Variants in MOCOS observed in about 807,000 individuals in gnomAD.
MOCOS encodes the protein molybdenum cofactor sulfurase.
Under a neutral mutation model 83.6 loss-of-function variants are expected in MOCOS, and 86 were observed. That is an observed-to-expected ratio of 1.03 (90% confidence interval 0.86 to 1.23). MOCOS has a LOEUF of 1.23. Ranked by LOEUF, MOCOS falls within the 50% of genes most tolerant of loss-of-function variation. The probability of loss-of-function intolerance (pLI) is 0.00; values close to 1 mark genes in which losing one functional copy is unlikely to be tolerated. For missense variants in MOCOS, 1,120 were observed against 1,126.9 expected, an observed-to-expected ratio of 0.99 and a Z score of 0.09; for synonymous variants, 445 against 434.7, an observed-to-expected ratio of 1.02 and a Z score of -0.29.
intron 1 of MOCOS, among the ~76,000 whole-genome samples, chr18:36,193,347 A>G (rs1202043069): frequency 1.4e-5 from 2 of 141,054 alleles, no homozygotes; most frequent in Non-Finnish European, 3.1e-5. Context: ...AAAAAAAAAA[A>G]AAAAAAAAGT....
At chr18:36,222,526 C>T (rs151009854) in intron 9 of MOCOS, among the ~76,000 whole-genome samples, 2 of 151,982 alleles carry the variant, frequency 1.3e-5, no homozygotes, top group Admixed American at 6.6e-5. Flanking sequence ...ACCCATTGAC[C>T]ATTAGTACAT....
At chr18:36,216,851 A>G (rs935001645) in intron 8 of MOCOS, among the ~76,000 whole-genome samples, 1 of 152,192 alleles carries the variant, frequency 6.6e-6, no homozygotes, top group African/African-American at 2.4e-5. Flanking sequence ...GACATCACCA[A>G]CATTGGGACA....
intron 14 of MOCOS, 99 bp downstream of exon 14, chr18:36,266,952 G>A: frequency 1.0e-6 from 1 of 999,054 alleles, no homozygotes; most frequent in Non-Finnish European, 1.5e-6. Context: ...TTTTAAATGG[G>A]GGATTTGCTG....
In MOCOS at chr18:36,220,157, C is replaced by T. The variant is rs759948024; in HGVS notation, c.1900C>T (p.Leu634Phe). The T allele has an allele frequency of 6.2e-7, 1 of 1,614,132 alleles. No individual in the cohort carries two copies. The highest frequency in any genetic ancestry group is 8.5e-7 in the Non-Finnish European group (1 of 1,180,026). ...VCLSQKQEPR[L>F]CLIQPFIDLR... The stretch of plus-strand genomic sequence containing the variant: ...CCTGAGTCAGAAGCAGGAACCCCGG[C>T]TCTGCCTGATCCAGCCCTTCATCGA... Residue 634 changes from leucine to phenylalanine, a missense_variant, in exon 9 of 15, where the codon CTC becomes TTC. Leu to Phe is a conservative substitution (Grantham distance 22). Transcript: ENST00000261326.
intron 6 of MOCOS, 49 bp from the exon 7 acceptor site, chr18:36,213,317 A>G: frequency 7.0e-6 from 10 of 1,432,292 alleles, no homozygotes; most frequent in Non-Finnish European, 8.9e-6. Flanking sequence ...CTCTCAGAGT[A>G]AAACTGCACG....
At chr18:36,236,764 G>A (rs2091560908) in intron 9 of MOCOS, among the ~76,000 whole-genome samples, 1 of 141,584 alleles carries the variant, frequency 7.1e-6, no homozygotes, top group African/African-American at 2.7e-5. Flanking sequence ...CTACCCATGA[G>A]CATGGAATGT....
chr18:36,216,844 A>G (rs2091477598), intron 8 of MOCOS, among the ~76,000 whole-genome samples: 1 of 152,250 alleles, frequency 6.6e-6, no homozygotes, highest in African/African-American at 2.4e-5. Flanking sequence ...AAAAGTTGAC[A>G]TCACCAACAT....
chr18:36,189,002 T>G (rs2091354656), intron 1 of MOCOS, among the ~76,000 whole-genome samples: 1 of 151,992 alleles, frequency 6.6e-6, no homozygotes, highest in Non-Finnish European at 1.5e-5. Flanking sequence ...TGCCTACAGG[T>G]GCTGGGGAGG....
At chr18:36,246,671 C>T (rs1031773154) in intron 9 of MOCOS, among the ~76,000 whole-genome samples, 4 of 152,218 alleles carry the variant, frequency 2.6e-5, no homozygotes, top group Admixed American at 1.3e-4. Context: ...GTCACATGGA[C>T]AGACTCAGGA....
intron 12 of MOCOS, among the ~76,000 whole-genome samples, chr18:36,258,539 G>C (rs901033268): frequency 6.6e-6 from 1 of 152,038 alleles, no homozygotes; most frequent in African/African-American, 2.4e-5. Context: ...CAGGTATCCC[G>C]GTCTCTGGCT....
chr18:36,232,792 G>C (rs71366390), intron 9 of MOCOS, among the ~76,000 whole-genome samples: 16,956 of 150,940 alleles, frequency 0.11, 1,033 homozygotes, highest in Non-Finnish European at 0.13. Flanking sequence ...TGTCCTTCAG[G>C]CTCATCCATG....
intron 1 of MOCOS, 109 bp downstream of exon 1, chr18:36,187,790 C>A (rs1598865957): frequency 1.7e-6 from 2 of 1,177,946 alleles, no homozygotes; most frequent in African/African-American, 1.6e-5. Context: ...CATTTTGAAT[C>A]GAAACTCCAG....
At chr18:36,195,231 A>G in intron 1 of MOCOS, 26 bp from the exon 2 acceptor site, 1 of 1,600,268 alleles carries the variant, frequency 6.2e-7, no homozygotes, top group Non-Finnish European at 8.6e-7. Context: ...GTAAAATTTT[A>G]GTATTTATTT....
intron 1 of MOCOS, among the ~76,000 whole-genome samples, chr18:36,188,121 A>G (rs1236467704): frequency 1.3e-5 from 2 of 151,994 alleles, no homozygotes; most frequent in Non-Finnish European, 2.9e-5. Context: ...AGCACCTCTG[A>G]CGGCGCGCCA....
intron 9 of MOCOS, among the ~76,000 whole-genome samples, chr18:36,236,130 G>C (rs1178298860): frequency 4.0e-5 from 5 of 124,170 alleles, no homozygotes; most frequent in Non-Finnish European, 6.9e-5. Flanking sequence ...AAGCTCTTTA[G>C]TTTAATTAGA....
chr18:36,194,776 C>T (rs1598869246), intron 1 of MOCOS, among the ~76,000 whole-genome samples: 1 of 152,178 alleles, frequency 6.6e-6, no homozygotes, highest in East Asian at 1.9e-4. Flanking sequence ...TCTAAATTTG[C>T]ATTTCTCTCA....
intron 4 of MOCOS, 112 bp downstream of exon 4, chr18:36,200,436 C>T: frequency 7.3e-7 from 1 of 1,374,688 alleles, no homozygotes; most frequent in Non-Finnish European, 9.9e-7. Flanking sequence ...CAGCAGAATT[C>T]AGGTTGCTGG....
chr18:36,254,142 C>G (rs2091632262), intron 11 of MOCOS, among the ~76,000 whole-genome samples: 1 of 152,108 alleles, frequency 6.6e-6, no homozygotes, highest in South Asian at 2.1e-4. Flanking sequence ...GAGGACACCC[C>G]TTAGGGTCCC....
At position 36,264,879 on chromosome 18, in the gene MOCOS, A is replaced by C. The variant is rs2091676438; in HGVS notation, c.2410-1870A>C. On this transcript the variant is annotated intron_variant, in intron 13 of 14. Transcript: ENST00000261326. ...AAACTTTTCCCAATTAAAAACAAAA[A>C]CAAAATAAAATTTAAAAAACACACC... Among the ~76,000 whole-genome samples, 4 of 152,192 alleles carry C rather than the reference A, an allele frequency of 2.6e-5. No individual in the cohort carries two copies. In the South Asian group the frequency reaches 8.3e-4, roughly 31 times the overall value.
Sources: allele counts gnomAD v4.1 joint callset (sites outside exome capture counted in the v4.1 genomes callset), GRCh38; gene constraint gnomAD v4.1.1; transcripts MANE v1.5; gene names NCBI Gene and HGNC (gene_info 2026-07-23, HGNC 2026-07-21).